Variants in EPB41L1 observed in about 807,000 individuals in gnomAD.
EPB41L1 encodes the protein erythrocyte membrane protein band 4.1 like 1, also known as band 4.1-like protein 1.
EPB41L1 carries 29 observed loss-of-function variants against 97.8 expected under a neutral mutation model. The ratio of observed to expected loss-of-function variants is 0.30; its 90% CI spans 0.22 to 0.40. EPB41L1 has a LOEUF of 0.40. Ranked by LOEUF, EPB41L1 falls within the 10% of genes least tolerant of loss-of-function variation. The pLI is 1.00. For synonymous variants in EPB41L1, 383 were observed against 459.2 expected, an observed-to-expected ratio of 0.83 and a Z score of 2.12; for missense variants, 812 against 1,162.3, an observed-to-expected ratio of 0.70 and a Z score of 4.38.
intron 2 of EPB41L1, among the ~76,000 whole-genome samples, chr20:36,126,175 C>T (rs2058958928): frequency 6.6e-6 from 1 of 152,070 alleles, no homozygotes; most frequent in South Asian, 2.1e-4. Context: ...AATGATGACT[C>T]CTCCATTAGG....
In EPB41L1 at chr20:36,185,156, G is replaced by A. The variant is rs765764837; in HGVS notation, c.606G>A (p.Thr202=). 7.4e-6 allele frequency: 12 copies of A among 1,612,634 alleles called. No homozygotes were observed. The highest frequency in any genetic ancestry group is 2.2e-5 in the East Asian group (1 of 44,890). Residue 202 remains threonine, a synonymous_variant, in exon 7 of 22, where the codon ACG becomes ACA. Coordinates refer to ENST00000338074, the MANE Select transcript of EPB41L1 (RefSeq NM_012156.2). ...TGCAGCTGCGGGCAGACATCATCACGGGCCGGCTGCCATGCTCCTTTGTCA... is the reference window on the plus strand; with the variant it reads ...TGCAGCTGCGGGCAGACATCATCACAGGCCGGCTGCCATGCTCCTTTGTCA... ...LCLQLRADII[T]GRLPCSFVTH...
At chr20:36,115,459 G>A (rs2058555455) in intron 2 of EPB41L1, among the ~76,000 whole-genome samples, 1 of 152,220 alleles carries the variant, frequency 6.6e-6, no homozygotes, top group Non-Finnish European at 1.5e-5. Context: ...GCCAGCATAT[G>A]GCTGTGTGTT....
intron 2 of EPB41L1, among the ~76,000 whole-genome samples, chr20:36,120,805 A>T (rs566898414): frequency 2.4e-4 from 36 of 152,192 alleles, no homozygotes; most frequent in African/African-American, 7.2e-4. Flanking sequence ...AGGTAAACAC[A>T]TGCTATGGTC....
chr20:36,178,340 G>A (rs1219610113), intron 4 of EPB41L1, among the ~76,000 whole-genome samples: 1 of 152,200 alleles, frequency 6.6e-6, no homozygotes, highest in Non-Finnish European at 1.5e-5. Context: ...ACCCTTGGGA[G>A]GCTCTGAGTT....
chr20:36,125,544 C>T lies in EPB41L1; in HGVS notation c.-10+13064C>T, dbSNP rs114315299. On this transcript the variant is annotated intron_variant, in intron 2 of 19. Coordinates refer to the EPB41L1 transcript ENST00000202028. ...TCAGTAAAGGTGAGCTATTATCTTCCATTCAACAGTGGGGGATTCAGAAAG... is the reference window on the plus strand; with the variant it reads ...TCAGTAAAGGTGAGCTATTATCTTCTATTCAACAGTGGGGGATTCAGAAAG... 3.3e-6 allele frequency: 5 copies of T among 1,535,202 alleles called. No individual in the cohort carries two copies. The African/African-American group carries it at 6.8e-5, about 21-fold the overall frequency.
rs563079308 is a variant in EPB41L1 at position 36,206,047 on chromosome 20, A to C, written c.1669-3441A>C. On this transcript the variant is annotated intron_variant, in intron 14 of 21. Transcript: ENST00000338074. This position sits in a 1 kb window ranked among gnomAD's most constrained non-coding sequence, Gnocchi z 5.5. ...GGCCACAGAAGAAATGGTGGGAAAC[A>C]GAAGAGCAAACACCCAGCAACAAGG... 52 of 1,289,904 alleles carry C rather than the reference A, an allele frequency of 4.0e-5. No individual in the cohort carries two copies. The East Asian group carries it at 2.7e-3, about 66-fold the overall frequency. 79.9% of individuals were successfully genotyped at this position (1,289,904 alleles called of 1,614,324 possible). A position where few individuals can be genotyped will look rare whatever the true frequency, so the allele number is the denominator to read the frequency against.
At chr20:36,155,302 G>A (rs1212875335) in intron 1 of EPB41L1, 1 of 397,318 alleles carries the variant, frequency 2.5e-6, no homozygotes, top group Non-Finnish European at 5.0e-6. Flanking sequence ...GCGAGCCCTT[G>A]CCCTCATCTC....
chr20:36,190,572 T>C lies in EPB41L1; in HGVS notation c.1125-50T>C. On this transcript the variant is annotated intron_variant, in intron 10 of 21. Transcript: ENST00000338074. This position sits in a 1 kb window ranked among gnomAD's most constrained non-coding sequence, Gnocchi z 5.8. ...GCCAGCTGTGGTCTAACCTTGGGCC[T>C]GGCAGTGCAGGTCTGATTCCTCCTC... The C allele has an allele frequency of 6.2e-7, 1 of 1,610,534 alleles. No homozygotes were observed. The highest frequency in any genetic ancestry group is 8.5e-7 in the Non-Finnish European group (1 of 1,177,984).
intron 16 of EPB41L1, among the ~76,000 whole-genome samples, chr20:36,213,406 A>G (rs1167656439): frequency 6.6e-6 from 1 of 152,168 alleles, no homozygotes; most frequent in Non-Finnish European, 1.5e-5. Flanking sequence ...AAGAGAGAGA[A>G]AGAGAAAACT....
At chr20:36,218,997 C>T in intron 18 of EPB41L1, 35 bp downstream of exon 18, 1 of 1,601,988 alleles carries the variant, frequency 6.2e-7, no homozygotes, top group South Asian at 1.1e-5. Flanking sequence ...CTAGGGGACT[C>T]CACACTGAGA....
intron 1 of EPB41L1, among the ~76,000 whole-genome samples, chr20:36,094,050 T>G (rs1318838377): frequency 6.6e-6 from 1 of 152,196 alleles, no homozygotes; most frequent in Non-Finnish European, 1.5e-5. Context: ...TCTGGGTATG[T>G]CCATACCCCT....
upstream of EPB41L1, chr20:36,151,927 C>A (rs549285666): frequency 6.6e-6 from 1 of 152,210 alleles, no homozygotes; most frequent in South Asian, 2.1e-4. Context: ...TGGTGAAACC[C>A]CATCTCTACT....
intron 2 of EPB41L1, among the ~76,000 whole-genome samples, chr20:36,123,161 C>T (rs1203000491): frequency 2.0e-5 from 3 of 152,064 alleles, no homozygotes; most frequent in African/African-American, 7.2e-5. Context: ...GCTTTCTGAA[C>T]GTCTCCATGA....
Position 36,206,558 on chromosome 20 carries a change from C to G in EPB41L1, c.1669-2930C>G. 7.8e-7 allele frequency: 1 copy of G among 1,289,838 alleles called. No homozygotes were observed. Among genetic ancestry groups the G allele is most frequent in the Non-Finnish European group, 1.0e-6 (1 of 988,876 alleles). The allele number at this position is 1,289,838 out of a possible 1,614,324, so 79.9% of individuals were successfully genotyped here. On this transcript the variant is annotated intron_variant, in intron 14 of 21. Coordinates refer to ENST00000338074, the MANE Select transcript of EPB41L1 (RefSeq NM_012156.2). This position sits in a 1 kb window ranked among gnomAD's most constrained non-coding sequence, Gnocchi z 5.5. ...AGAAAAGGGCGCCTGGATGCCCCTC[C>G]CGGAGGTGAGCCCAGGCCGACGCTG...
chr20:36,097,084 C>T (rs929716432), intron 1 of EPB41L1, among the ~76,000 whole-genome samples: 2 of 152,194 alleles, frequency 1.3e-5, no homozygotes, highest in Non-Finnish European at 2.9e-5. Flanking sequence ...AGCTTGGGTT[C>T]TGTGTCTTCC....
chr20:36,194,474 T>C, intron 12 of EPB41L1, 114 bp downstream of exon 12: 1 of 1,347,418 alleles, frequency 7.4e-7, no homozygotes, highest in Non-Finnish European at 1.0e-6. Flanking sequence ...ACCCTTACTA[T>C]GGAGTGCACC....
intron 14 of EPB41L1, among the ~76,000 whole-genome samples, chr20:36,202,956 T>TCTGTTTCTCCCCACCC (rs1471888455): frequency 1.3e-5 from 2 of 152,112 alleles, no homozygotes; most frequent in East Asian, 3.9e-4. Context: ...CCCAACTGGC[T>TCTGTTTCTCCCCACCC]CTGTTTCTCC....
intron 2 of EPB41L1, among the ~76,000 whole-genome samples, chr20:36,133,967 G>A (rs2147778025): frequency 6.6e-6 from 1 of 152,298 alleles, no homozygotes; most frequent in East Asian, 1.9e-4. Flanking sequence ...ACTAGGTGAG[G>A]TAGGTTTTAC....
intron 2 of EPB41L1, among the ~76,000 whole-genome samples, chr20:36,140,223 T>G (rs2059586325): frequency 6.6e-6 from 1 of 151,266 alleles, no homozygotes; most frequent in African/African-American, 2.4e-5. Flanking sequence ...CCTGGCTACT[T>G]TTTGTATGTT....
Sources: gnomAD v4.1 joint callset for allele counts (sites outside exome capture counted in the v4.1 genomes callset) on GRCh38, gnomAD v4.1.1 for gene constraint, Gnocchi (gnomAD v3.1) non-coding constraint, MANE v1.5 for transcripts, NCBI Gene and HGNC (gene_info 2026-07-23, HGNC 2026-07-21) for gene names.